ANP32E: variants seen among roughly 807,000 people sequenced by gnomAD.
The protein encoded by ANP32E is acidic nuclear phosphoprotein 32 family member E.
In ANP32E, 14 loss-of-function variants were observed where a neutral mutation model predicts 35.3. That is an observed-to-expected ratio of 0.40 (90% CI 0.26 to 0.62). The LOEUF is 0.62. Among genes scored for constraint, ANP32E ranks in the 20% least tolerant of loss-of-function variants. The pLI, the probability that ANP32E is intolerant of heterozygous loss-of-function variation, is 0.45. For synonymous variants in ANP32E, 89 were observed against 110.4 expected (o/e 0.81, Z 1.22); for missense variants, 198 against 304.4 (o/e 0.65, Z 2.60).
intron 1 of ANP32E, among the ~76,000 whole-genome samples, chr1:150,234,004 G>A (rs1472685914): frequency 6.6e-6 from 1 of 151,966 alleles, no homozygotes; most frequent in East Asian, 1.9e-4. Flanking sequence ...TTGGATTCTA[G>A]AACAACACAA....
intron 6 of ANP32E, among the ~76,000 whole-genome samples, chr1:150,221,751 C>T (rs1245569078): frequency 6.6e-6 from 1 of 152,106 alleles, no homozygotes; most frequent in Non-Finnish European, 1.5e-5. Context: ...TCATGAAGTA[C>T]AGATTAAGAA....
At chr1:150,232,605 G>A (rs1649453410) in intron 1 of ANP32E, among the ~76,000 whole-genome samples, 1 of 151,104 alleles carries the variant, frequency 6.6e-6, no homozygotes, top group Non-Finnish European at 1.5e-5. Flanking sequence ...GGAGTAGCTG[G>A]GATTACAGGC....
chr1:150,230,012 G>C (rs949460459), intron 3 of ANP32E, among the ~76,000 whole-genome samples: 1 of 152,132 alleles, frequency 6.6e-6, no homozygotes, highest in African/African-American at 2.4e-5. Context: ...ATTATATCAA[G>C]CACAACCAGC....
intron 1 of ANP32E, among the ~76,000 whole-genome samples, chr1:150,233,317 C>CT (rs1649525071): frequency 6.9e-6 from 1 of 145,384 alleles, no homozygotes; most frequent in Non-Finnish European, 1.5e-5. Context: ...TGTTTAATCA[C>CT]TTTTTCAGTT....
chr1:150,234,512 G>C, intron 1 of ANP32E: 1 of 883,850 alleles, frequency 1.1e-6, no homozygotes, highest in Non-Finnish European at 1.4e-6. Context: ...ATGCCGATCT[G>C]CACAGACACC....
intron 2 of ANP32E, 77 bp downstream of exon 2, chr1:150,231,700 G>A: frequency 2.3e-6 from 3 of 1,286,096 alleles, no homozygotes; most frequent in East Asian, 3.4e-5. Flanking sequence ...AAGCAGAATG[G>A]TCATTCCATT....
In ANP32E at chr1:150,220,743, C is replaced by T; in HGVS notation, c.755G>A (p.Gly252Glu). 6.2e-7 allele frequency: 1 copy of T among 1,613,820 alleles called. No individual in the cohort carries two copies. Among genetic ancestry groups the T allele is most frequent in the Non-Finnish European group, 8.5e-7 (1 of 1,179,870 alleles). ...EEEEEEGGLR[G>E]EKRKRDAEDD... is the part of the protein sequence containing the mutation. ...TTCAGCATCTCGTTTCCTCTTCTCC[C>T]CTCGAAGACCTCCTTCTTCTTAAAG... Residue 252 changes from glycine to glutamate, a missense_variant, in exon 7 of 7, where the codon GGG (glycine) becomes GAG (glutamate). Physicochemically the swap from Gly to Glu is moderately conservative, Grantham distance 98. This residue lies in a region of ANP32E where 121 missense variants were observed against 137.3 expected (regional missense o/e 0.88). Transcript: ENST00000583931.
At chr1:150,226,978 A>G (rs868946469) in intron 4 of ANP32E, among the ~76,000 whole-genome samples, 183 bp from the exon 5 acceptor site, 4 of 152,042 alleles carry the variant, frequency 2.6e-5, no homozygotes, top group Admixed American at 6.6e-5. Flanking sequence ...ATTCCTACAA[A>G]CCAAATGCGA....
chr1:150,221,629 A>AAGGAAGGAAGGAAGGAAGGAAGGAAG (rs1553838086), intron 6 of ANP32E, among the ~76,000 whole-genome samples: 2 of 38,992 alleles, frequency 5.1e-5, no homozygotes, highest in Non-Finnish European at 1.0e-4. Flanking sequence ...AAGGAAGGAA[A>AAGGAAGGAAGGAAGGAAGGAAGGAAG]TTATACTTCA....
At chr1:150,234,516 A>C (rs587616731) in intron 1 of ANP32E, 2 of 907,652 alleles carry the variant, frequency 2.2e-6, no homozygotes, top group African/African-American at 1.8e-5. Flanking sequence ...CGATCTGCAC[A>C]GACACCACCC....
intron 5 of ANP32E, among the ~76,000 whole-genome samples, chr1:150,223,554 G>A (rs1456721834): frequency 2.6e-5 from 4 of 151,280 alleles, no homozygotes; most frequent in East Asian, 2.0e-4. Flanking sequence ...GGTGGCAGGC[G>A]CCTGTAATCC....
chr1:150,220,918 T>C (rs926472043), intron 6 of ANP32E, among the ~76,000 whole-genome samples, 157 bp from the exon 7 acceptor site: 1 of 151,916 alleles, frequency 6.6e-6, no homozygotes, highest in Non-Finnish European at 1.5e-5. Context: ...ATGGATCACT[T>C]GAGGCCTGGC....
intron 2 of ANP32E, among the ~76,000 whole-genome samples, chr1:150,231,478 T>G (rs1553841694): frequency 6.6e-6 from 1 of 151,942 alleles, no homozygotes; most frequent in African/African-American, 2.4e-5. Flanking sequence ...GCCTGTAGTC[T>G]CAGCTACTCG....
Position 150,233,204 on chromosome 1 carries a change from G to A in ANP32E, c.55-1278C>T, listed in dbSNP as rs1252931055. 2.7e-5 allele frequency among the ~76,000 whole-genome samples: 4 copies of A among 148,486 alleles called. No homozygotes were observed. In the South Asian group the frequency reaches 6.4e-4, roughly 24 times the overall value. ...CACTTGAACCCGGGCAGCAGAGGTT[G>A]CAGTGAGCCGAGGCCGCACCATTGC... On this transcript the variant is annotated intron_variant, in intron 1 of 6. Coordinates refer to ENST00000583931, the MANE Select transcript of ANP32E (RefSeq NM_030920.5).
chr1:150,235,612 A>C lies in ANP32E; in HGVS notation c.54+121T>G. ...TAAAATTAAACATTTCCCCAACCCT[A>C]ACCCGGGGGGATGGGGGCTAACTTA... On this transcript the variant is annotated intron_variant, in intron 1 of 6. Transcript: ENST00000583931. The surrounding 1 kb of genome is among the most constrained non-coding windows in gnomAD (Gnocchi z 4.2). 1 of 1,068,350 alleles carries C rather than the reference A, an allele frequency of 9.4e-7. No individual in the cohort carries two copies. Among genetic ancestry groups the C allele is most frequent in the Non-Finnish European group, 1.4e-6 (1 of 724,870 alleles). 66.2% of individuals were successfully genotyped at this position (1,068,350 alleles called of 1,614,324 possible). A position where few individuals can be genotyped will look rare whatever the true frequency, so the allele number is the denominator to read the frequency against.
chr1:150,235,797 T>A lies in ANP32E; in HGVS notation c.-11A>T. 1 of 1,579,978 alleles carries A rather than the reference T, an allele frequency of 6.3e-7. No individual in the cohort carries two copies. The highest frequency in any genetic ancestry group is 8.6e-7 in the Non-Finnish European group (1 of 1,157,704). The stretch of plus-strand genomic sequence containing the variant: ...CTTCTTCATCTCCATGTCCTCCTCT[T>A]GCTCTTCAGCTACTACTCTCCTTTT... On this transcript the variant is annotated 5_prime_UTR_variant, in exon 1 of 7. Transcript: ENST00000583931. The surrounding 1 kb of genome is among the most constrained non-coding windows in gnomAD (Gnocchi z 4.2).
At chr1:150,233,906 G>A (rs1234407205) in intron 1 of ANP32E, among the ~76,000 whole-genome samples, 1 of 152,042 alleles carries the variant, frequency 6.6e-6, no homozygotes, top group Non-Finnish European at 1.5e-5. Context: ...CCGTTTAGCT[G>A]AGGAGTGGGG....
Position 150,231,828 on chromosome 1 carries a change from A to G in ANP32E, c.153T>C (p.Asn51=), listed in dbSNP as rs1649370940. ...GCCGGGCCAGCGAACTTAGTTCCAC[A>G]TTAGCCATACTCAGAAATTCTAGTT... ...FKELEFLSMA[N]VELSSLARLP... The change falls in exon 2 of 7, where the codon AAT becomes AAC. Residue 51 remains asparagine (N), a synonymous_variant. Transcript: ENST00000583931. The G allele has an allele frequency of 6.2e-7, 1 of 1,611,308 alleles. No homozygotes were observed.
At chr1:150,223,856 C>T (rs1435724924) in intron 5 of ANP32E, among the ~76,000 whole-genome samples, 1 of 151,640 alleles carries the variant, frequency 6.6e-6, no homozygotes, top group Non-Finnish European at 1.5e-5. Flanking sequence ...AGCGATTCTC[C>T]TGCCTCGGCC....
Sources: allele counts gnomAD v4.1 joint callset (sites outside exome capture counted in the v4.1 genomes callset), GRCh38; gene constraint gnomAD v4.1.1; regional missense constraint gnomAD v4.1.1; non-coding constraint Gnocchi (gnomAD v3.1); transcripts MANE v1.5; gene names NCBI Gene and HGNC (gene_info 2026-07-23, HGNC 2026-07-21).